The following USP53 variants were observed in gnomAD, a reference collection of about 807,000 sequenced individuals.
USP53 encodes the protein ubiquitin specific peptidase 53.
Under a neutral mutation model 94.9 loss-of-function variants are expected in USP53, and 71 were observed. The ratio of observed to expected loss-of-function variants is 0.75; its 90% CI spans 0.62 to 0.91. The LOEUF is 0.91. USP53 is among the 40% of genes least tolerant of loss of function. The pLI is 0.00. For missense variants in USP53, 1,173 were observed against 1,281.0 expected, an observed-to-expected ratio of 0.92 and a Z score of 1.29; for synonymous variants, 375 against 422.7, an observed-to-expected ratio of 0.89 and a Z score of 1.39.
intron 17 of USP53, among the ~76,000 whole-genome samples, chr4:119,288,131 T>C (rs763602681): frequency 2.0e-5 from 3 of 152,198 alleles, no homozygotes; most frequent in Non-Finnish European, 2.9e-5. Context: ...GGTTATGTCT[T>C]ATATAGGTTA....
Position 119,267,356 on chromosome 4 carries a change from A to G in USP53, c.1009A>G (p.Ile337Val), listed in dbSNP as rs1475567839. ...TRWKDVVSKC[I>V]RCHFQPLLLF... ...ATGGAAAGATGTTGTCTCCAAATGC[A>G]TTCGATGCCACTTTCAGCCACTACT... Residue 337 changes from isoleucine to valine, a missense_variant, in exon 13 of 19, where the codon ATT (isoleucine) becomes GTT (valine). By Grantham distance (29) the Ile-to-Val change is conservative (BLOSUM62 3). Coordinates refer to ENST00000692078, the MANE Select transcript of USP53 (RefSeq NM_001371395.1). 2 of 1,614,040 alleles carry G rather than the reference A, an allele frequency of 1.2e-6. No individual in the cohort carries two copies. Among genetic ancestry groups the G allele is most frequent in the South Asian group, 2.2e-5 (2 of 91,074 alleles).
chr4:119,266,785 T>A (rs560636516), intron 12 of USP53, among the ~76,000 whole-genome samples: 1 of 152,192 alleles, frequency 6.6e-6, no homozygotes. Context: ...AAGTCCATTT[T>A]AAAAATATTT....
At chr4:119,222,846 T>C (rs938328335) in intron 3 of USP53, among the ~76,000 whole-genome samples, 7 of 151,664 alleles carry the variant, frequency 4.6e-5, no homozygotes, top group Non-Finnish European at 1.0e-4. Flanking sequence ...TGCTCTTTTT[T>C]CTCCTGGAAC....
intron 5 of USP53, among the ~76,000 whole-genome samples, chr4:119,244,796 G>A (rs1747998282): frequency 6.6e-6 from 1 of 152,086 alleles, no homozygotes; most frequent in Admixed American, 6.6e-5. Context: ...TTTATTAATG[G>A]CTGCTGCTTA....
intron 17 of USP53, among the ~76,000 whole-genome samples, chr4:119,280,362 T>C (rs1753376630): frequency 6.6e-6 from 1 of 152,154 alleles, no homozygotes; most frequent in South Asian, 2.1e-4. Context: ...TGGTGGCTTG[T>C]TAACACTTTA....
rs2149490321 is a variant in USP53, at chr4:119,293,163, GCT to G, written c.3179_3180del (p.Ser1060PhefsTer9). ...YRLKYHQRPK[L>X]SFPESSGFCN... is the part of the protein sequence containing the mutation. ...GATTGAAATACCATCAGAGGCCCAA[GCT>G]CTCTTTTCCAGAGAGCAGTGGCTTT... is the stretch of plus-strand genomic sequence containing the variant. On this transcript the variant is annotated frameshift_variant, in exon 19 of 19. Coordinates refer to ENST00000692078, the MANE Select transcript of USP53 (RefSeq NM_001371395.1). LOFTEE classifies it high-confidence loss of function. The G allele has an allele frequency of 1.9e-6, 3 of 1,611,740 alleles. No homozygotes were observed. The highest frequency in any genetic ancestry group is 4.5e-5 in the East Asian group (2 of 44,866).
Position 119,269,677 on chromosome 4 carries a change from G to T in USP53, c.1289-14G>T. The T allele has an allele frequency of 7.3e-7, 1 of 1,370,946 alleles. No individual in the cohort carries two copies. Among genetic ancestry groups the T allele is most frequent in the South Asian group, 2.2e-5 (1 of 44,740 alleles). 84.9% of individuals were successfully genotyped at this position (1,370,946 alleles called of 1,614,324 possible). On this transcript the variant is annotated splice_polypyrimidine_tract_variant and intron_variant, in intron 14 of 18. Transcript: ENST00000692078. ...AAATGATCTGTATCATAGTAAGAATGATTTCTTTTACAGCTAAGTTAAGTC... is the reference window on the plus strand; with the variant it reads ...AAATGATCTGTATCATAGTAAGAATTATTTCTTTTACAGCTAAGTTAAGTC...
At chr4:119,213,082 TCGC>T (rs1743083855) in intron 1 of USP53, 1 of 153,056 alleles carries the variant, frequency 6.5e-6, no homozygotes. Flanking sequence ...TCGCCCCTTC[TCGC>T]CGCGTCTGGC....
At chr4:119,220,465 GT>G (rs1465824405) in intron 3 of USP53, 2 of 152,042 alleles carry the variant, frequency 1.3e-5, no homozygotes, top group Admixed American at 1.3e-4. Context: ...GAAAAAGTAA[GT>G]TCTACTCTTT....
chr4:119,271,137 G>A (rs775414768), intron 15 of USP53, 159 bp from the exon 16 acceptor site: 1 of 886,828 alleles, frequency 1.1e-6, no homozygotes, highest in Non-Finnish European at 1.4e-6. Context: ...ACAAGGACTG[G>A]AAAATCACTT....
chr4:119,214,962 T>C (rs1743509502), intron 2 of USP53, among the ~76,000 whole-genome samples: 1 of 152,232 alleles, frequency 6.6e-6, no homozygotes, highest in African/African-American at 2.4e-5. Flanking sequence ...TGGAATAAAC[T>C]ATCCTACAAA....
At chr4:119,245,480 T>A in intron 6 of USP53, 51 bp downstream of exon 6, 1 of 1,556,270 alleles carries the variant, frequency 6.4e-7, no homozygotes, top group South Asian at 1.1e-5. Flanking sequence ...CCTTCAAAAA[T>A]TTAAGTTTGA....
In USP53 at chr4:119,284,760, G is replaced by A. The variant is rs147348144; in HGVS notation, c.2252-6405G>A. Among the ~76,000 whole-genome samples, 292 of 151,840 alleles carry A rather than the reference G, an allele frequency of 1.9e-3. 1 individual carries two copies. Among genetic ancestry groups the A allele is most frequent in the African/African-American group, 6.6e-3 (275 of 41,490 alleles). On this transcript the variant is annotated intron_variant, in intron 17 of 18. Transcript: ENST00000692078. Reference sequence around the variant, plus strand: ...AAAAATAGTTAGAATAATAAATTTTGTTATGTATATTTTACCACAATAAAA... The same window carrying A: ...AAAAATAGTTAGAATAATAAATTTTATTATGTATATTTTACCACAATAAAA...
chr4:119,290,097 C>G (rs757323788), intron 17 of USP53, among the ~76,000 whole-genome samples: 2 of 152,088 alleles, frequency 1.3e-5, no homozygotes, highest in Non-Finnish European at 2.9e-5. Flanking sequence ...TAAAGGCTCT[C>G]CAGTGAATTC....
At position 119,294,628 on chromosome 4, in the gene USP53, T is replaced by C. The variant is rs780408153; in HGVS notation, c.*1417T>C. ...CTCATATTCAATAAACTAGTAAATG[T>C]AGCCACTTGACTGATTGCGTAAATC... is the stretch of plus-strand genomic sequence containing the variant. On this transcript the variant is annotated 3_prime_UTR_variant, in exon 19 of 19. Transcript: ENST00000692078. The C allele has an allele frequency of 6.6e-6, 1 of 152,094 alleles. No homozygotes were observed. The highest frequency in any genetic ancestry group is 1.5e-5 in the Non-Finnish European group (1 of 67,962). 9.4% of individuals were successfully genotyped at this position (152,094 alleles called of 1,614,324 possible). A position where few individuals can be genotyped will look rare whatever the true frequency, so the allele number is the denominator to read the frequency against.
chr4:119,285,963 T>C (rs1168111191), intron 17 of USP53, among the ~76,000 whole-genome samples: 1 of 151,918 alleles, frequency 6.6e-6, no homozygotes, highest in African/African-American at 2.4e-5. Flanking sequence ...CTTTAAATTA[T>C]AATCCAAGTG....
intron 17 of USP53, among the ~76,000 whole-genome samples, chr4:119,282,850 T>TA (rs1753658143): frequency 6.6e-6 from 1 of 152,152 alleles, no homozygotes; most frequent in East Asian, 1.9e-4. Context: ...AGGGCACACT[T>TA]ACATTACTGA....
At chr4:119,251,090 T>C (rs1004513445) in intron 7 of USP53, among the ~76,000 whole-genome samples, 1 of 148,630 alleles carries the variant, frequency 6.7e-6, no homozygotes, top group African/African-American at 2.5e-5. Flanking sequence ...GTGTGTGATA[T>C]TCCCCTCCCT....
rs201326815 is a variant in USP53, at chr4:119,271,370, A to T, written c.1510A>T (p.Asn504Tyr). ...CCCAAATGGTTTTAAACAACATGGG[A>T]ATCCACATCTATATCATAGTCAAGG... Reference protein sequence around the residue: ...PAPNGFKQHGNPHLYHSQGKG... With the variant: ...PAPNGFKQHGYPHLYHSQGKG... The change falls in exon 16 of 19, where the codon AAT becomes TAT. Residue 504 changes from asparagine (N) to tyrosine (Y), a missense_variant. Physicochemically the swap from Asn to Tyr is moderately radical, Grantham distance 143 (BLOSUM62 -2). Coordinates refer to ENST00000692078, the MANE Select transcript of USP53 (RefSeq NM_001371395.1). 4.4e-4 allele frequency: 709 copies of T among 1,611,376 alleles called. 2 individuals are homozygous for T. The highest frequency in any genetic ancestry group is 9.3e-4 in the Admixed American group (55 of 59,306).
Sources: allele counts gnomAD v4.1 joint callset (sites outside exome capture counted in the v4.1 genomes callset), GRCh38; gene constraint gnomAD v4.1.1; transcripts MANE v1.5; gene names NCBI Gene and HGNC (gene_info 2026-07-23, HGNC 2026-07-21).